CD8B: variants seen among roughly 807,000 people sequenced by gnomAD.
CD8B encodes the protein CD8 subunit beta.
Under a neutral mutation model 24.2 loss-of-function variants are expected in CD8B, and 6 were observed. The observed-to-expected ratio is 0.25, with a 90% CI of 0.14 to 0.49. The LOEUF (loss-of-function observed/expected upper bound fraction) is 0.49. Among genes scored for constraint, CD8B ranks in the 20% least tolerant of loss-of-function variants. The probability of loss-of-function intolerance (pLI) is 0.98; values close to 1 mark genes in which losing one functional copy is unlikely to be tolerated. For missense variants in CD8B, 196 were observed against 271.3 expected (o/e 0.72, Z 1.95); for synonymous variants, 84 against 108.3 (o/e 0.78, Z 1.39).
chr2:86,846,474 C>G (rs901736215), intron 4 of CD8B, among the ~76,000 whole-genome samples: 1 of 152,142 alleles, frequency 6.6e-6, no homozygotes, highest in South Asian at 2.1e-4. Flanking sequence ...TGCACTCAAA[C>G]CCAGGTTTGC....
At chr2:86,854,039 C>A (rs1357597541) in intron 2 of CD8B, among the ~76,000 whole-genome samples, 3 of 149,838 alleles carry the variant, frequency 2.0e-5, no homozygotes, top group African/African-American at 7.4e-5. Context: ...CCGCACCCGG[C>A]CGACCTACAC....
intron 5 of CD8B, chr2:86,843,762 T>C (rs1009540627): frequency 2.8e-6 from 2 of 712,502 alleles, no homozygotes; most frequent in Non-Finnish European, 3.4e-6. Context: ...AATACCCCAG[T>C]GAGTCCTCAC....
intron 5 of CD8B, chr2:86,822,523 T>A: frequency 1.8e-6 from 1 of 547,614 alleles, no homozygotes; most frequent in Non-Finnish European, 3.2e-6. Flanking sequence ...ATGAAACCTA[T>A]GGAAAGGTTG....
chr2:86,838,111 G>A (rs1157436338), downstream of CD8B, among the ~76,000 whole-genome samples: 5 of 152,132 alleles, frequency 3.3e-5, no homozygotes, highest in Non-Finnish European at 7.3e-5. Flanking sequence ...TAAATCTTTC[G>A]TTTGTGGATA....
chr2:86,834,544 T>G, downstream of CD8B, among the ~76,000 whole-genome samples: 3 of 150,956 alleles, frequency 2.0e-5, no homozygotes, highest in African/African-American at 4.9e-5. Context: ...GGTGGGGAGG[T>G]TTGGAGTTAC....
intron 5 of CD8B, chr2:86,822,497 A>G (rs1674520334): frequency 3.3e-6 from 2 of 603,386 alleles, no homozygotes; most frequent in South Asian, 5.1e-5. Context: ...CATTAACATG[A>G]TGATGTTTTA....
intron 5 of CD8B, among the ~76,000 whole-genome samples, chr2:86,816,522 A>G (rs181538383): frequency 6.6e-6 from 1 of 152,358 alleles, no homozygotes; most frequent in East Asian, 1.9e-4. Context: ...ATCATGATTT[A>G]TAAACTCTAG....
chr2:86,833,232 T>C (rs1190450960), downstream of CD8B, among the ~76,000 whole-genome samples: 1 of 150,238 alleles, frequency 6.7e-6, no homozygotes, highest in Non-Finnish European at 1.5e-5. Context: ...TCTCACTCTG[T>C]TGCCCAGGCT....
intron 3 of CD8B, among the ~76,000 whole-genome samples, chr2:86,848,625 C>T (rs867628799): frequency 2.6e-5 from 4 of 151,282 alleles, no homozygotes; most frequent in Admixed American, 2.6e-4. Flanking sequence ...AGAATTTTTA[C>T]TGAATACATA....
At chr2:86,848,529 A>G (rs1038975808) in intron 3 of CD8B, among the ~76,000 whole-genome samples, 4 of 151,960 alleles carry the variant, frequency 2.6e-5, no homozygotes, top group Non-Finnish European at 4.4e-5. Context: ...GGGGCAGAGC[A>G]GGGCCCATGG....
chr2:86,830,359 C>A (rs868757042), intron 5 of CD8B, among the ~76,000 whole-genome samples: 1 of 152,108 alleles, frequency 6.6e-6, no homozygotes, highest in Middle Eastern at 3.2e-3. Context: ...TTGAGGCCAG[C>A]AGTTCGAGAC....
At chr2:86,861,078 G>A (rs1023031677) in intron 1 of CD8B, among the ~76,000 whole-genome samples, 2 of 152,120 alleles carry the variant, frequency 1.3e-5, no homozygotes, top group Admixed American at 6.5e-5. Context: ...CAGAACCCCC[G>A]GCGGGCAGGC....
chr2:86,856,569 G>T (rs555459933), intron 2 of CD8B, among the ~76,000 whole-genome samples: 2 of 152,020 alleles, frequency 1.3e-5, no homozygotes, highest in African/African-American at 4.8e-5. Flanking sequence ...ACTTCCTCAC[G>T]CTGAGTGGTC....
rs181035396 is a variant in CD8B, at chr2:86,859,013, A to G, written c.44-597T>C. Among the ~76,000 whole-genome samples the G allele has an allele frequency of 4.0e-3, 604 of 152,144 alleles. 4 individuals carry two copies. The highest frequency in any genetic ancestry group is 3.9e-3 in the Non-Finnish European group (267 of 67,982). ...AGTATGTAAGTGGCCTAGGAGTCAA[A>G]CTCAAGGATTTGAAGTCTGAAGCCA... is the stretch of plus-strand genomic sequence containing the variant. On this transcript the variant is annotated intron_variant, in intron 1 of 5. Coordinates refer to ENST00000390655, the MANE Select transcript of CD8B (RefSeq NM_004931.5).
intron 1 of CD8B, among the ~76,000 whole-genome samples, chr2:86,858,723 G>A (rs373862601): frequency 0.078 from 11,273 of 144,438 alleles, 520 homozygotes; most frequent in Middle Eastern, 0.17. Context: ...ACTCAATCAA[G>A]CCTCAAACTG....
chr2:86,821,728 C>G (rs757571165), intron 5 of CD8B: 23 of 442,644 alleles, frequency 5.2e-5, no homozygotes, highest in Non-Finnish European at 9.7e-5. Context: ...TCGGAACCCT[C>G]CGAAAATCGC....
chr2:86,853,320 C>T (rs2104569767), intron 2 of CD8B, among the ~76,000 whole-genome samples: 1 of 151,892 alleles, frequency 6.6e-6, no homozygotes, highest in Admixed American at 6.6e-5. Context: ...CATATGCCTA[C>T]AGTCCCAGCT....
intron 5 of CD8B, among the ~76,000 whole-genome samples, chr2:86,826,766 A>G (rs1674704291): frequency 6.6e-6 from 1 of 151,756 alleles, no homozygotes; most frequent in African/African-American, 2.4e-5. Context: ...GGGTGGAATT[A>G]CAGTGGGCAC....
intron 3 of CD8B, among the ~76,000 whole-genome samples, chr2:86,850,566 A>G (rs940831424): frequency 6.6e-6 from 1 of 152,138 alleles, no homozygotes; most frequent in African/African-American, 2.4e-5. Context: ...TCAGTGTCTC[A>G]TAGTACAGGC....
Sources: allele counts gnomAD v4.1 joint callset (sites outside exome capture counted in the v4.1 genomes callset), GRCh38; gene constraint gnomAD v4.1.1; transcripts MANE v1.5; gene names NCBI Gene and HGNC (gene_info 2026-07-23, HGNC 2026-07-21).